Variants in NGEF observed in about 807,000 individuals in gnomAD.
NGEF encodes the protein ephexin-1.
A neutral mutation model predicts 80.9 loss-of-function variants in NGEF; 31 were observed. The observed-to-expected ratio is 0.38, with a 90% CI of 0.29 to 0.52. NGEF has a LOEUF of 0.52. Ranked by LOEUF, NGEF falls within the 20% of genes least tolerant of loss-of-function variation. The pLI, the probability that NGEF is intolerant of heterozygous loss-of-function variation, is 0.84. For synonymous variants in NGEF, 371 were observed against 370.2 expected (o/e 1.00, Z -0.03); for missense variants, 709 against 926.2 (o/e 0.77, Z 3.04).
chr2:232,943,961 G>A (rs1369672438), intron 3 of NGEF, among the ~76,000 whole-genome samples: 10 of 151,738 alleles, frequency 6.6e-5, no homozygotes, highest in Non-Finnish European at 1.5e-4. Flanking sequence ...GGCCGGGCGC[G>A]GTGGCTCACA....
chr2:232,943,959 G>A (rs1354116154), intron 3 of NGEF, among the ~76,000 whole-genome samples: 4 of 151,940 alleles, frequency 2.6e-5, no homozygotes, highest in East Asian at 2.0e-4. Context: ...CAGGCCGGGC[G>A]CGGTGGCTCA....
intron 1 of NGEF, among the ~76,000 whole-genome samples, chr2:233,009,800 G>A (rs535799318): frequency 3.3e-5 from 5 of 152,252 alleles, no homozygotes; most frequent in South Asian, 4.2e-4. Flanking sequence ...CATGGGACAC[G>A]CTGGCCATCC....
intron 5 of NGEF, among the ~76,000 whole-genome samples, chr2:232,903,495 C>T (rs2106254105): frequency 6.6e-6 from 1 of 152,156 alleles, no homozygotes; most frequent in South Asian, 2.1e-4. Flanking sequence ...ACTGGGTGGC[C>T]CAGGACAGGA....
intron 6 of NGEF, among the ~76,000 whole-genome samples, 166 bp from the exon 7 acceptor site, chr2:232,893,216 T>C (rs1574994180): frequency 6.6e-6 from 1 of 152,124 alleles, no homozygotes; most frequent in Non-Finnish European, 1.5e-5. Flanking sequence ...GCACTGGTGG[T>C]GTATTTGGTC....
rs1052228024 is a variant in NGEF, at chr2:232,885,199, C to T, written c.1437+81G>A. 19 of 1,314,674 alleles carry T rather than the reference C, an allele frequency of 1.4e-5. 1 individual carries two copies. In the Admixed American group the frequency reaches 3.4e-4, roughly 24 times the overall value. The allele number at this position is 1,314,674 out of a possible 1,614,324, so 81.4% of individuals were successfully genotyped here. A position where few individuals can be genotyped will look rare whatever the true frequency, so the allele number is the denominator to read the frequency against. ...GACCAAGGACCTAAGCAAGGCCAGC[C>T]AGGCGCGGTGATCTGTGCCTCTGGG... On this transcript the variant is annotated intron_variant, in intron 10 of 14. Coordinates refer to ENST00000264051, the MANE Select transcript of NGEF (RefSeq NM_019850.3).
At chr2:232,980,630 C>T (rs1574651290) in intron 1 of NGEF, among the ~76,000 whole-genome samples, 1 of 152,066 alleles carries the variant, frequency 6.6e-6, no homozygotes, top group African/African-American at 2.4e-5. Flanking sequence ...TCCCAAGTAG[C>T]TGGGATTATA....
In NGEF at chr2:232,879,431, C is replaced by CCCG; in HGVS notation, c.*57_*58insCGG. The CCCG allele has an allele frequency of 7.1e-7, 1 of 1,408,640 alleles. No homozygotes were observed. The highest frequency in any genetic ancestry group is 1.3e-5 in the South Asian group (1 of 74,252). The allele number at this position is 1,408,640 out of a possible 1,614,324, so 87.3% of individuals were successfully genotyped here. A position where few individuals can be genotyped will look rare whatever the true frequency, so the allele number is the denominator to read the frequency against. ...CTGTGCTTCCCAGAGCCCCCCCCCC[C>CCCG]CCACCTTCTGTCGGGGTCTCATGCA... On this transcript the variant is annotated 3_prime_UTR_variant, in exon 15 of 15. Coordinates refer to ENST00000264051, the MANE Select transcript of NGEF (RefSeq NM_019850.3).
intron 5 of NGEF, among the ~76,000 whole-genome samples, chr2:232,897,796 C>T (rs1692147222): frequency 6.6e-6 from 1 of 152,220 alleles, no homozygotes; most frequent in Non-Finnish European, 1.5e-5. Context: ...CACGTCGCAT[C>T]TGCCTCATCT....
At chr2:232,996,430 G>C (rs7574722) in intron 1 of NGEF, among the ~76,000 whole-genome samples, 129,784 of 151,910 alleles carry the variant, frequency 0.85, 55,534 homozygotes, top group East Asian at 0.99. Context: ...ACCGAGGGCT[G>C]TTATGAGAGA....
intron 1 of NGEF, among the ~76,000 whole-genome samples, chr2:232,994,946 AT>A (rs1694747445): frequency 4.8e-5 from 1 of 20,972 alleles, no homozygotes; most frequent in Non-Finnish European, 8.1e-5. Flanking sequence ...ATACACACAT[AT>A]AATACATACA....
chr2:232,995,114 G>GCACACAGTATGTATATA (rs1266912166), intron 1 of NGEF, among the ~76,000 whole-genome samples: 1 of 4,366 alleles, frequency 2.3e-4, no homozygotes, highest in East Asian at 0.017. Flanking sequence ...GTATGTATAT[G>GCACACAGTATGTATATA]TGTACAGTAT....
chr2:232,990,982 T>C (rs1216267912), intron 1 of NGEF, among the ~76,000 whole-genome samples: 1 of 152,040 alleles, frequency 6.6e-6, no homozygotes, highest in African/African-American at 2.4e-5. Flanking sequence ...GACAAAAACA[T>C]GATCATCTTA....
At chr2:232,985,926 T>A (rs1694523260) in intron 1 of NGEF, among the ~76,000 whole-genome samples, 1 of 137,214 alleles carries the variant, frequency 7.3e-6, no homozygotes. Flanking sequence ...GCAACAAGAG[T>A]GAGACTCCGT....
intron 5 of NGEF, among the ~76,000 whole-genome samples, chr2:232,919,548 CTTGT>C (rs1559208526): frequency 6.6e-6 from 1 of 152,096 alleles, no homozygotes; most frequent in Non-Finnish European, 1.5e-5. Context: ...TGACCATATG[CTTGT>C]TTCTCTATAC....
intron 5 of NGEF, among the ~76,000 whole-genome samples, chr2:232,914,729 A>G (rs1379287011): frequency 6.6e-6 from 1 of 150,684 alleles, no homozygotes; most frequent in Non-Finnish European, 1.5e-5. Context: ...ATACAAAATA[A>G]CATTTCTGGC....
At chr2:232,899,148 T>A (rs1165754288) in intron 5 of NGEF, among the ~76,000 whole-genome samples, 1 of 129,866 alleles carries the variant, frequency 7.7e-6, no homozygotes, top group Non-Finnish European at 1.7e-5. Flanking sequence ...AGTATGAGAG[T>A]GTGTGACAGT....
At chr2:232,953,890 C>A (rs879310237) in intron 3 of NGEF, among the ~76,000 whole-genome samples, 1 of 152,050 alleles carries the variant, frequency 6.6e-6, no homozygotes, top group African/African-American at 2.4e-5. Context: ...TGATAGAAAC[C>A]GGCACTCAGG....
At chr2:232,988,709 C>T (rs1236047624) in intron 1 of NGEF, among the ~76,000 whole-genome samples, 1 of 152,182 alleles carries the variant, frequency 6.6e-6, no homozygotes, top group Non-Finnish European at 1.5e-5. Context: ...TGACTCATGG[C>T]AGCATTGTTC....
intron 10 of NGEF, among the ~76,000 whole-genome samples, chr2:232,884,463 C>T (rs972614019): frequency 1.3e-5 from 2 of 152,180 alleles, no homozygotes; most frequent in African/African-American, 4.8e-5. Flanking sequence ...TGTGCATGTA[C>T]ACTGCTGTTT....
Sources: allele counts gnomAD v4.1 joint callset (sites outside exome capture counted in the v4.1 genomes callset), GRCh38; gene constraint gnomAD v4.1.1; transcripts MANE v1.5; gene names NCBI Gene and HGNC (gene_info 2026-07-23, HGNC 2026-07-21).